The following TSPAN14 variants were observed in gnomAD, a reference collection of about 807,000 sequenced individuals.
The protein encoded by TSPAN14 is tetraspanin-14.
Under a neutral mutation model 36.6 loss-of-function variants are expected in TSPAN14, and 16 were observed. The ratio of observed to expected loss-of-function variants is 0.44; its 90% CI spans 0.30 to 0.66. The LOEUF is 0.66. Ranked by LOEUF, TSPAN14 falls within the 30% of genes least tolerant of loss-of-function variation. The pLI, the probability that TSPAN14 is intolerant of heterozygous loss-of-function variation, is 0.12. For missense variants in TSPAN14, 231 were observed against 355.1 expected (o/e 0.65, Z 2.81); for synonymous variants, 139 against 143.8 (o/e 0.97, Z 0.24).
intron 6 of TSPAN14, 54 bp downstream of exon 6, chr10:80,512,323 G>C (rs1840705680): frequency 5.6e-6 from 9 of 1,604,636 alleles, no homozygotes; most frequent in Non-Finnish European, 7.7e-6. Context: ...AAGCCCAGAA[G>C]CTTTCCTGAC....
chr10:80,484,078 G>A (rs1245301290), intron 1 of TSPAN14, among the ~76,000 whole-genome samples: 3 of 151,372 alleles, frequency 2.0e-5, no homozygotes, highest in Non-Finnish European at 4.4e-5. Flanking sequence ...AACCCCGTTT[G>A]TACAAAAAAT....
At chr10:80,495,090 A>C (rs2096695741) in intron 2 of TSPAN14, among the ~76,000 whole-genome samples, 1 of 152,224 alleles carries the variant, frequency 6.6e-6, no homozygotes, top group Admixed American at 6.5e-5. Context: ...AGAAATTCCC[A>C]TATTGGACAT....
chr10:80,513,002 A>G (rs1589303980), intron 6 of TSPAN14, among the ~76,000 whole-genome samples: 1 of 152,104 alleles, frequency 6.6e-6, no homozygotes, highest in African/African-American at 2.4e-5. Context: ...GGGCTCAAGC[A>G]ATTCTCCAGC....
intron 5 of TSPAN14, among the ~76,000 whole-genome samples, chr10:80,510,996 C>T (rs576170994): frequency 1.8e-4 from 28 of 152,238 alleles, no homozygotes; most frequent in African/African-American, 6.0e-4. Context: ...CAAGTGGAAC[C>T]GTGGAGGTGT....
intron 1 of TSPAN14, among the ~76,000 whole-genome samples, chr10:80,475,741 C>T (rs955750829): frequency 2.8e-4 from 43 of 152,298 alleles, no homozygotes; most frequent in African/African-American, 9.6e-4. Context: ...CGCCTGCCAC[C>T]ACACCCAGCT....
chr10:80,460,648 T>C (rs982733683), intron 1 of TSPAN14, among the ~76,000 whole-genome samples: 42 of 152,152 alleles, frequency 2.8e-4, no homozygotes, highest in African/African-American at 9.9e-4. Flanking sequence ...GTCACTCTCT[T>C]TTTTTCCAGA....
At chr10:80,463,134 C>T (rs554339556) in intron 1 of TSPAN14, 1 of 152,248 alleles carries the variant, frequency 6.6e-6, no homozygotes, top group Non-Finnish European at 1.5e-5. Flanking sequence ...GTTGGTGAGT[C>T]TGTATCCCTG....
exon 9 of TSPAN14, chr10:80,519,404 C>T (rs1260569674): frequency 6.5e-6 from 1 of 152,784 alleles, no homozygotes; most frequent in Non-Finnish European, 1.5e-5. Flanking sequence ...CTTTCTAACA[C>T]TTTGCCATAG....
chr10:80,488,551 G>A (rs1391998700), intron 1 of TSPAN14, among the ~76,000 whole-genome samples: 1 of 152,174 alleles, frequency 6.6e-6, no homozygotes, highest in Non-Finnish European at 1.5e-5. Flanking sequence ...GACAGGGGAG[G>A]GAGGGAGCAG....
chr10:80,494,916 T>G, intron 2 of TSPAN14, among the ~76,000 whole-genome samples: 1 of 152,224 alleles, frequency 6.6e-6, no homozygotes, highest in East Asian at 1.9e-4. Context: ...GCATTTCCTC[T>G]TCCATGCCCC....
chr10:80,513,665 G>C lies in TSPAN14; in HGVS notation c.577-354G>C, dbSNP rs146680326. On this transcript the variant is annotated intron_variant, in intron 6 of 8. Transcript: ENST00000429989. ...TTAAATGGTTGGAAATAAATCAAAA[G>C]AAGAATAATATTTTGTGGTACGTGA... Among the ~76,000 whole-genome samples, 207 of 152,316 alleles carry C rather than the reference G, an allele frequency of 1.4e-3. 1 individual carries two copies. The highest frequency in any genetic ancestry group is 2.5e-3 in the Non-Finnish European group (170 of 68,012).
At chr10:80,476,578 G>A (rs970354526) in intron 1 of TSPAN14, among the ~76,000 whole-genome samples, 1 of 151,762 alleles carries the variant, frequency 6.6e-6, no homozygotes, top group Non-Finnish European at 1.5e-5. Flanking sequence ...ACCACACCCG[G>A]CTAATTTTTT....
In TSPAN14 at chr10:80,500,407, G is replaced by A. The variant is rs1363106604; in HGVS notation, c.82-4321G>A. ...TGCAATGGCGTGATCTTGGCTCACC[G>A]CAACCTCCACCTCCCAGGTTCAAGT... On this transcript the variant is annotated intron_variant, in intron 2 of 8. Transcript: ENST00000429989. 5.9e-5 allele frequency among the ~76,000 whole-genome samples: 7 copies of A among 119,286 alleles called. No homozygotes were observed. In the East Asian group the frequency reaches 1.4e-3, roughly 24 times the overall value. The allele number at this position is 119,286 out of a possible 152,430, so 78.3% of individuals were successfully genotyped here. A position where few individuals can be genotyped will look rare whatever the true frequency, so the allele number is the denominator to read the frequency against.
chr10:80,502,974 C>T (rs1848605364), intron 2 of TSPAN14, among the ~76,000 whole-genome samples: 1 of 151,816 alleles, frequency 6.6e-6, no homozygotes, highest in African/African-American at 2.4e-5. Flanking sequence ...GCTTGGGGTC[C>T]CCGAAGCAGG....
chr10:80,495,301 C>T (rs1028096087), intron 2 of TSPAN14, among the ~76,000 whole-genome samples: 1 of 151,886 alleles, frequency 6.6e-6, no homozygotes, highest in East Asian at 1.9e-4. Flanking sequence ...AGAACGACTG[C>T]CCCAATTCAT....
At chr10:80,486,691 C>T (rs756823458) in intron 1 of TSPAN14, among the ~76,000 whole-genome samples, 1 of 151,970 alleles carries the variant, frequency 6.6e-6, no homozygotes, top group African/African-American at 2.4e-5. Flanking sequence ...CTGGGAACCA[C>T]GAGGAAGAGA....
intron 1 of TSPAN14, among the ~76,000 whole-genome samples, chr10:80,484,483 A>T (rs1007295270): frequency 6.6e-6 from 1 of 151,994 alleles, no homozygotes; most frequent in Non-Finnish European, 1.5e-5. Context: ...ACACCCAGCT[A>T]ATTTTTGTAC....
At chr10:80,498,911 C>T (rs1247493401) in intron 2 of TSPAN14, among the ~76,000 whole-genome samples, 4 of 152,156 alleles carry the variant, frequency 2.6e-5, no homozygotes, top group African/African-American at 4.8e-5. Context: ...GACCCAGGGC[C>T]GGCTTTGTTC....
chr10:80,506,552 T>C (rs1840313127), intron 3 of TSPAN14, among the ~76,000 whole-genome samples: 2 of 152,240 alleles, frequency 1.3e-5, no homozygotes, highest in South Asian at 4.1e-4. Flanking sequence ...TCTCCAGGGC[T>C]TAGCTTCCCC....
Sources: allele counts gnomAD v4.1 joint callset (sites outside exome capture counted in the v4.1 genomes callset), GRCh38; gene constraint gnomAD v4.1.1; transcripts MANE v1.5; gene names NCBI Gene and HGNC (gene_info 2026-07-23, HGNC 2026-07-21).